The following FAM149A variants were observed in gnomAD, a reference collection of about 807,000 sequenced individuals.
FAM149A encodes protein FAM149A.
Under a neutral mutation model 78.2 loss-of-function variants are expected in FAM149A, and 71 were observed. That is an observed-to-expected ratio of 0.91 (90% confidence interval 0.75 to 1.11). FAM149A has a LOEUF of 1.11. FAM149A is among the 50% of genes least tolerant of loss of function. FAM149A has a pLI of 0.00. For missense variants in FAM149A, 1,036 were observed against 971.0 expected (o/e 1.07, Z -0.89); for synonymous variants, 446 against 410.5 (o/e 1.09, Z -1.04).
chr4:186,141,136 A>G (rs1471303256), intron 1 of FAM149A, among the ~76,000 whole-genome samples: 3 of 152,170 alleles, frequency 2.0e-5, no homozygotes, highest in East Asian at 1.9e-4. Flanking sequence ...GGCCACATGT[A>G]TGTCTTCTTT....
Position 186,173,203 on chromosome 4 carries a change from G to A in FAM149A, c.*1216G>A, listed in dbSNP as rs1735626704. On this transcript the variant is annotated 3_prime_UTR_variant, in exon 14 of 14. Transcript: ENST00000389354. ...GACTATTTCTGGCTGTAAGGAGAAG[G>A]GATCATTGCCTACTAGTAGATGTCT... Among the ~76,000 whole-genome samples, 1 of 111,702 alleles carries A rather than the reference G, an allele frequency of 9.0e-6. No homozygotes were observed. The highest frequency in any genetic ancestry group is 2.8e-5 in the African/African-American group (1 of 35,560). The allele number at this position is 111,702 out of a possible 152,430, so 73.3% of individuals were successfully genotyped here.
Position 186,149,613 on chromosome 4 carries a change from G to C in FAM149A, c.698G>C (p.Gly233Ala), listed in dbSNP as rs750194412. The change falls in exon 3 of 14, where the codon GGA (glycine) becomes GCA (alanine). Residue 233 changes from glycine to alanine, a missense_variant. This residue lies in a region of FAM149A where 716 missense variants were observed against 711.8 expected (regional missense o/e 1.01). Transcript: ENST00000389354. ...TCCAGCGGAAGCCATACACCCACGG[G>C]AGCCCACACCTCTTGGTCTGGGTCG... 330 of 1,289,762 alleles carry C rather than the reference G, an allele frequency of 2.6e-4. 1 individual carries two copies. Among genetic ancestry groups the C allele is most frequent in the Non-Finnish European group, 3.2e-4 (313 of 988,898 alleles). 79.9% of individuals were successfully genotyped at this position (1,289,762 alleles called of 1,614,324 possible).
rs976250433 is a variant in FAM149A at position 186,172,077 on chromosome 4, G to A, written c.*90G>A. On this transcript the variant is annotated 3_prime_UTR_variant, in exon 14 of 14. Transcript: ENST00000389354. ...GGAGGAACAAGTGTTATATTTATCTGTGTGTCTGACAGTGTGAGATGTTAG... is the reference window on the plus strand; with the variant it reads ...GGAGGAACAAGTGTTATATTTATCTATGTGTCTGACAGTGTGAGATGTTAG... 7 of 1,545,210 alleles carry A rather than the reference G, an allele frequency of 4.5e-6. 1 individual carries two copies. The highest frequency in any genetic ancestry group is 4.2e-5 in the Admixed American group (2 of 47,904).
intron 8 of FAM149A, among the ~76,000 whole-genome samples, chr4:186,160,000 TC>T (rs1487890345): frequency 1.7e-4 from 8 of 46,516 alleles, no homozygotes; most frequent in African/African-American, 6.0e-4. Flanking sequence ...ACTGCACACA[TC>T]CCCCCACACA....
chr4:186,123,774 TG>T, intron 1 of FAM149A: 1 of 916,056 alleles, frequency 1.1e-6, no homozygotes, highest in East Asian at 1.2e-4. Context: ...GACAAACTAA[TG>T]TGCTGGCTTT....
At chr4:186,116,616 A>G in intron 1 of FAM149A, 6 of 973,376 alleles carry the variant, frequency 6.2e-6, no homozygotes, top group Non-Finnish European at 6.1e-6. Flanking sequence ...TTAATTTGAG[A>G]CAGAGTCTCA....
At position 186,164,401 on chromosome 4, in the gene FAM149A, T is replaced by C; in HGVS notation, c.1889+768T>C. On this transcript the variant is annotated intron_variant, in intron 10 of 13. Coordinates refer to ENST00000389354, the MANE Select transcript of FAM149A (RefSeq NM_001367768.3). The surrounding 1 kb of genome is among the most constrained non-coding windows in gnomAD (Gnocchi z 4.0). ...CTCTCAGGCTTTAGAGACCACCCAC[T>C]GGACCCCCGGCCTGCAGGGGAGCTG... 3.1e-6 allele frequency: 3 copies of C among 955,508 alleles called. No individual in the cohort carries two copies. The highest frequency in any genetic ancestry group is 3.7e-6 in the Non-Finnish European group (3 of 802,774). 59.2% of individuals were successfully genotyped at this position (955,508 alleles called of 1,614,324 possible).
intron 1 of FAM149A, among the ~76,000 whole-genome samples, chr4:186,136,822 G>A (rs1032443051): frequency 6.6e-6 from 1 of 152,278 alleles, no homozygotes; most frequent in Non-Finnish European, 1.5e-5. Flanking sequence ...AGCCTAAGAA[G>A]GTGGCTCTGC....
chr4:186,130,712 T>TA (rs1413135704), intron 1 of FAM149A, among the ~76,000 whole-genome samples: 2 of 152,066 alleles, frequency 1.3e-5, no homozygotes, highest in Admixed American at 1.3e-4. Context: ...ACCACCAATT[T>TA]ACCTTAGAAA....
intron 1 of FAM149A, chr4:186,126,104 T>C (rs914857768): frequency 1.0e-6 from 1 of 985,318 alleles, no homozygotes; most frequent in African/African-American, 1.7e-5. Context: ...TGAAAATTAT[T>C]TCCACAAAAT....
Position 186,167,245 on chromosome 4 carries a change from G to A in FAM149A, c.2201G>A (p.Gly734Asp). 2 of 1,613,214 alleles carry A rather than the reference G, an allele frequency of 1.2e-6. No homozygotes were observed. The highest frequency in any genetic ancestry group is 8.5e-7 in the Non-Finnish European group (1 of 1,179,154). The change falls in exon 13 of 14, where the codon GGT (glycine) becomes GAT (aspartate). Residue 734 changes from glycine to aspartate, a missense_variant. Gly to Asp is a moderately conservative substitution (Grantham distance 94). Around this residue, in one of 3 missense-constraint regions of FAM149A, gnomAD observed 716 missense variants for 711.8 expected, o/e 1.01. Transcript: ENST00000389354. ...GAATTTGCTGCTCACACATGGACAGGTCAAAGTATTTTGACAGGTCAGCTT... is the reference window on the plus strand; with the variant it reads ...GAATTTGCTGCTCACACATGGACAGATCAAAGTATTTTGACAGGTCAGCTT...
intron 1 of FAM149A, among the ~76,000 whole-genome samples, chr4:186,142,555 GT>G (rs1308630212): frequency 2.0e-5 from 3 of 152,140 alleles, no homozygotes; most frequent in Admixed American, 6.5e-5. Flanking sequence ...TACAGTGGAG[GT>G]GACACTGCCA....
rs771423228 is a variant in FAM149A at position 186,154,540 on chromosome 4, A to G, written c.1131A>G (p.Thr377=). 2.5e-6 allele frequency: 4 copies of G among 1,614,112 alleles called. No individual in the cohort carries two copies. The South Asian group carries it at 4.4e-5, about 18-fold the overall frequency. Residue 377 remains threonine, a synonymous_variant, in exon 6 of 14, where the codon ACA becomes ACG. Coordinates refer to ENST00000389354, the MANE Select transcript of FAM149A (RefSeq NM_001367768.3). ...CTGCCCTGCCAGGCCCTGATGACAC[A>G]GGGGTTGCTGACCTAACGGCACGTT...
At chr4:186,153,950 GTA>G (rs1377207976) in intron 5 of FAM149A, among the ~76,000 whole-genome samples, 180 bp downstream of exon 5, 1 of 152,204 alleles carries the variant, frequency 6.6e-6, no homozygotes, top group Non-Finnish European at 1.5e-5. Flanking sequence ...GATGATAGGT[GTA>G]TATGTGTGTA....
chr4:186,151,815 G>A (rs1358834972), intron 3 of FAM149A, 88 bp from the exon 4 acceptor site: 2 of 1,534,134 alleles, frequency 1.3e-6, no homozygotes, highest in African/African-American at 2.7e-5. Flanking sequence ...TACATAGTGG[G>A]TGACAGTAAA....
intron 1 of FAM149A, among the ~76,000 whole-genome samples, chr4:186,106,914 C>T (rs985469347): frequency 1.3e-5 from 2 of 152,076 alleles, no homozygotes; most frequent in South Asian, 2.1e-4. Context: ...CGCACCATTG[C>T]GCTCCAACCT....
chr4:186,125,774 G>T, intron 1 of FAM149A: 1 of 985,140 alleles, frequency 1.0e-6, no homozygotes, highest in South Asian at 4.7e-5. Flanking sequence ...CAGAGAGGCC[G>T]TGGGCAAGCT....
At chr4:186,169,890 T>C (rs1016746656) in intron 13 of FAM149A, 38 of 985,362 alleles carry the variant, frequency 3.9e-5, no homozygotes, top group Non-Finnish European at 4.6e-5. Flanking sequence ...GAAGAGAGAA[T>C]GCAGCCAACC....
intron 1 of FAM149A, chr4:186,116,707 C>T (rs142855742): frequency 0.051 from 48,805 of 966,264 alleles, 1,396 homozygotes; most frequent in Middle Eastern, 0.064. Flanking sequence ...AAGTGATTCT[C>T]CTGCCTCAGA....
Sources: gnomAD v4.1 joint callset for allele counts (sites outside exome capture counted in the v4.1 genomes callset) on GRCh38, gnomAD v4.1.1 for gene constraint, gnomAD v4.1.1 regional missense constraint, Gnocchi (gnomAD v3.1) non-coding constraint, MANE v1.5 for transcripts, NCBI Gene and HGNC (gene_info 2026-07-23, HGNC 2026-07-21) for gene names.